The following TMEM242 variants were observed in gnomAD, a reference collection of about 807,000 sequenced individuals.
The protein encoded by TMEM242 is UPF0463 transmembrane protein C6orf35.
A neutral mutation model predicts 18.2 loss-of-function variants in TMEM242; 10 were observed. That is an observed-to-expected ratio of 0.55 (90% CI 0.34 to 0.93). TMEM242 has a LOEUF of 0.93. TMEM242 is among the 40% of genes least tolerant of loss of function. The pLI, the probability that TMEM242 is intolerant of heterozygous loss-of-function variation, is 0.02. For synonymous variants in TMEM242, 57 were observed against 69.9 expected (o/e 0.81, Z 0.92); for missense variants, 186 against 175.5 (o/e 1.06, Z -0.34).
intron 3 of TMEM242, 144 bp downstream of exon 3, chr6:157,318,638 G>T: frequency 1.2e-6 from 1 of 868,612 alleles, no homozygotes; most frequent in Non-Finnish European, 1.7e-6. Flanking sequence ...CTAGTTATTT[G>T]TAAGAATTTA....
intron 3 of TMEM242, among the ~76,000 whole-genome samples, chr6:157,310,481 C>A: frequency 6.6e-6 from 1 of 151,454 alleles, no homozygotes; most frequent in Non-Finnish European, 1.5e-5. Flanking sequence ...AGTGTGTGCT[C>A]ACCTAGCCTC....
At chr6:157,317,018 T>C (rs1778403452) in intron 3 of TMEM242, among the ~76,000 whole-genome samples, 1 of 152,232 alleles carries the variant, frequency 6.6e-6, no homozygotes, top group South Asian at 2.1e-4. Flanking sequence ...AGCTCAATAA[T>C]GTCTATGAGG....
intron 2 of TMEM242, among the ~76,000 whole-genome samples, chr6:157,321,635 G>C (rs1778497487): frequency 6.6e-6 from 1 of 152,184 alleles, no homozygotes; most frequent in Admixed American, 6.5e-5. Flanking sequence ...GAAAACCACT[G>C]TTAGACCCCG....
chr6:157,322,002 T>A (rs1176576880), intron 2 of TMEM242, among the ~76,000 whole-genome samples: 1 of 152,216 alleles, frequency 6.6e-6, no homozygotes, highest in Middle Eastern at 3.2e-3. Flanking sequence ...ATGGTATCGA[T>A]AAGGCTTAAG....
intron 3 of TMEM242, among the ~76,000 whole-genome samples, chr6:157,310,514 T>A (rs62424349): frequency 3.6e-3 from 218 of 60,590 alleles, no homozygotes; most frequent in South Asian, 7.4e-3. Flanking sequence ...CAGTGTACAC[T>A]CACCTGGCCT....
At chr6:157,321,069 C>T (rs1348670115) in intron 2 of TMEM242, among the ~76,000 whole-genome samples, 5 of 142,396 alleles carry the variant, frequency 3.5e-5, no homozygotes, top group East Asian at 4.1e-4. Context: ...AGTGCAGTGG[C>T]GAAATCTCGG....
At chr6:157,297,846 T>C (rs1583556201) in intron 3 of TMEM242, among the ~76,000 whole-genome samples, 1 of 152,372 alleles carries the variant, frequency 6.6e-6, no homozygotes, top group East Asian at 1.9e-4. Flanking sequence ...AAAGCGAATG[T>C]GAATTTTTAC....
At chr6:157,313,650 A>C (rs1554249897) in intron 3 of TMEM242, among the ~76,000 whole-genome samples, 1 of 151,280 alleles carries the variant, frequency 6.6e-6, no homozygotes, top group Non-Finnish European at 1.5e-5. Flanking sequence ...ACAGTGTCCC[A>C]GTGTGCATTC....
chr6:157,313,300 C>A (rs1778258578), intron 3 of TMEM242, among the ~76,000 whole-genome samples: 1 of 152,194 alleles, frequency 6.6e-6, no homozygotes, highest in Non-Finnish European at 1.5e-5. Context: ...CCGGCATCAT[C>A]ATAGTGTCCC....
chr6:157,299,804 C>T, intron 3 of TMEM242: 1 of 1,607,784 alleles, frequency 6.2e-7, no homozygotes. Context: ...CATGAAAGGG[C>T]TGCCATGTTG....
chr6:157,300,155 G>T, intron 3 of TMEM242: 1 of 565,226 alleles, frequency 1.8e-6, no homozygotes, highest in Non-Finnish European at 3.2e-6. Flanking sequence ...TGGAGGGAGA[G>T]AATGGAAGAA....
At chr6:157,301,004 TAAG>T (rs1166997772) in intron 3 of TMEM242, among the ~76,000 whole-genome samples, 2 of 152,202 alleles carry the variant, frequency 1.3e-5, no homozygotes, top group Non-Finnish European at 1.5e-5. Flanking sequence ...TGGGCAATCT[TAAG>T]AACTAAATTC....
intron 3 of TMEM242, among the ~76,000 whole-genome samples, chr6:157,312,912 TC>T: frequency 6.6e-6 from 1 of 152,180 alleles, no homozygotes; most frequent in East Asian, 1.9e-4. Flanking sequence ...CACTGTGCGC[TC>T]ACCCGGCATC....
intron 3 of TMEM242, among the ~76,000 whole-genome samples, chr6:157,310,715 C>T (rs1554248407): frequency 6.6e-6 from 1 of 151,876 alleles, no homozygotes; most frequent in African/African-American, 2.4e-5. Flanking sequence ...CCCCAGTGTG[C>T]ACTCAGCTAG....
intron 2 of TMEM242, 98 bp from the exon 3 acceptor site, chr6:157,319,017 A>G: frequency 1.6e-6 from 2 of 1,279,512 alleles, no homozygotes; most frequent in Middle Eastern, 4.5e-4. Flanking sequence ...AAACAACATG[A>G]TATTAGGAAG....
chr6:157,311,675 A>T (rs1554248928), intron 3 of TMEM242, among the ~76,000 whole-genome samples: 815 of 37,524 alleles, frequency 0.022, 10 homozygotes, highest in Non-Finnish European at 0.029. Flanking sequence ...CGGCCTCATC[A>T]TAGTGTCCCA....
chr6:157,292,811 G>A lies in TMEM242; in HGVS notation c.*90C>T. 1 of 1,025,326 alleles carries A rather than the reference G, an allele frequency of 9.8e-7. No individual in the cohort carries two copies. Among genetic ancestry groups the A allele is most frequent in the Non-Finnish European group, 1.5e-6 (1 of 665,900 alleles). 63.5% of individuals were successfully genotyped at this position (1,025,326 alleles called of 1,614,324 possible). On this transcript the variant is annotated 3_prime_UTR_variant, in exon 4 of 4. Transcript: ENST00000400788. ...GTCAGCAATCTGCCCATGTTCCTGG[G>A]AGAAATCAGTCCCAGTCCTTTTGCT... is the stretch of plus-strand genomic sequence containing the variant.
chr6:157,318,640 A>C (rs1554250538), intron 3 of TMEM242, 142 bp downstream of exon 3: 64 of 895,298 alleles, frequency 7.1e-5, no homozygotes, highest in Non-Finnish European at 1.3e-5. Flanking sequence ...AGTTATTTGT[A>C]AGAATTTAGT....
intron 3 of TMEM242, among the ~76,000 whole-genome samples, chr6:157,312,456 G>GT (rs1778188605): frequency 1.2e-4 from 4 of 32,354 alleles, no homozygotes; most frequent in Admixed American, 3.2e-4. Context: ...GCCTCATAGT[G>GT]CCCCAGCGTG....
Sources: allele counts gnomAD v4.1 joint callset (sites outside exome capture counted in the v4.1 genomes callset), GRCh38; gene constraint gnomAD v4.1.1; transcripts MANE v1.5; gene names NCBI Gene and HGNC (gene_info 2026-07-23, HGNC 2026-07-21).